Variants in DIXDC1 observed in about 807,000 individuals in gnomAD.
DIXDC1 encodes dixin.
A neutral mutation model predicts 103.1 loss-of-function variants in DIXDC1; 64 were observed. The ratio of observed to expected loss-of-function variants is 0.62; its 90% CI spans 0.51 to 0.76. The LOEUF is 0.76. DIXDC1 is among the 30% of genes least tolerant of loss of function. The probability of loss-of-function intolerance (pLI) is 0.00; values close to 1 mark genes in which losing one functional copy is unlikely to be tolerated. For synonymous variants in DIXDC1, 266 were observed against 298.5 expected (o/e 0.89, Z 1.12); for missense variants, 759 against 834.2 (o/e 0.91, Z 1.11).
At chr11:111,939,382 TTG>T (rs1279538990) in intron 1 of DIXDC1, among the ~76,000 whole-genome samples, 1 of 152,214 alleles carries the variant, frequency 6.6e-6, no homozygotes, top group Non-Finnish European at 1.5e-5. Flanking sequence ...AGTGGTCTTT[TTG>T]TGGTGGTAAT....
intron 1 of DIXDC1, among the ~76,000 whole-genome samples, chr11:111,952,640 G>A (rs1555170151): frequency 6.6e-6 from 1 of 152,054 alleles, no homozygotes; most frequent in Non-Finnish European, 1.5e-5. Context: ...GACCAACATG[G>A]TGAAACCCCA....
rs782005442 is a variant in DIXDC1 at position 111,974,923 on chromosome 11, G to A, written c.596G>A (p.Arg199Gln). 14 of 1,613,490 alleles carry A rather than the reference G, an allele frequency of 8.7e-6. No individual in the cohort carries two copies. The highest frequency in any genetic ancestry group is 2.2e-5 in the East Asian group (1 of 44,892). ...ATTGAGAATCCATACTGGAGTGTGC[G>A]GGCCCTAGTGCAGCAGTACGAAGGG... ...EEIENPYWSV[R>Q]ALVQQYEGQQ... is the part of the protein sequence containing the mutation. Residue 199 changes from arginine (R) to glutamine (Q), a missense_variant, in exon 5 of 20, where the codon CGG becomes CAG. Arg to Gln is a conservative substitution (Grantham distance 43). Coordinates refer to ENST00000440460, the MANE Select transcript of DIXDC1 (RefSeq NM_001037954.4).
chr11:112,015,307 C>A (rs1861552663), intron 17 of DIXDC1: 2 of 152,076 alleles, frequency 1.3e-5, no homozygotes, highest in Non-Finnish European at 2.9e-5. Flanking sequence ...TATTTTAAAC[C>A]CCCTCCCAGA....
chr11:111,980,755 A>T lies in DIXDC1; in HGVS notation c.675A>T (p.Pro225=), dbSNP rs782756299. The T allele has an allele frequency of 3.5e-5, 57 of 1,613,860 alleles. No homozygotes were observed. Among genetic ancestry groups the T allele is most frequent in the Non-Finnish European group, 4.7e-5 (56 of 1,179,876 alleles). Residue 225 remains proline (P), a synonymous_variant, in exon 6 of 20, where the codon CCA becomes CCT. Coordinates refer to ENST00000440460, the MANE Select transcript of DIXDC1 (RefSeq NM_001037954.4). ...SSCSSLTSPS[P]IHSAKSESII... Reference sequence around the variant, plus strand: ...ATCACAGCCTGACTTCACCCAGTCCAATCCACAGTGCAAAGAGCGAGTCCA... The same window carrying T: ...ATCACAGCCTGACTTCACCCAGTCCTATCCACAGTGCAAAGAGCGAGTCCA...
At chr11:111,985,363 A>G (rs1199796671) in intron 8 of DIXDC1, 42 bp downstream of exon 8, 4 of 1,505,484 alleles carry the variant, frequency 2.7e-6, no homozygotes, top group East Asian at 2.3e-5. Flanking sequence ...ATCTGTATGT[A>G]TTTTACTTGT....
chr11:111,948,827 A>G (rs1394653853), intron 1 of DIXDC1, among the ~76,000 whole-genome samples: 8 of 152,086 alleles, frequency 5.3e-5, no homozygotes, highest in Non-Finnish European at 1.2e-4. Flanking sequence ...GCACTTCCCC[A>G]CACTCCTGAT....
chr11:111,955,805 G>A (rs1245497385), intron 1 of DIXDC1, among the ~76,000 whole-genome samples: 1 of 119,902 alleles, frequency 8.3e-6, no homozygotes, highest in Non-Finnish European at 1.6e-5. Flanking sequence ...CTGCATTCCA[G>A]CCTAGGTGAC....
Position 111,977,909 on chromosome 11 carries a change from G to A in DIXDC1, c.657-2828G>A, listed in dbSNP as rs1860170969. 2.2e-6 allele frequency: 3 copies of A among 1,382,274 alleles called. No individual in the cohort carries two copies. Among genetic ancestry groups the A allele is most frequent in the Non-Finnish European group, 1.9e-6 (2 of 1,043,170 alleles). The allele number at this position is 1,382,274 out of a possible 1,614,324, so 85.6% of individuals were successfully genotyped here. On this transcript the variant is annotated intron_variant, in intron 5 of 19. Transcript: ENST00000440460. The surrounding 1 kb of genome is among the most constrained non-coding windows in gnomAD (Gnocchi z 6.1). ...GGGTGGTGGGAGCATTATGTTGGGA[G>A]GACCGGCTGCTGACCAGGGGTTATC...
Position 111,977,601 on chromosome 11 carries a change from C to A in DIXDC1, c.656+2618C>A. 6.6e-7 allele frequency: 1 copy of A among 1,516,242 alleles called. No individual in the cohort carries two copies. The allele number at this position is 1,516,242 out of a possible 1,614,324, so 93.9% of individuals were successfully genotyped here. On this transcript the variant is annotated intron_variant, in intron 5 of 19. Transcript: ENST00000440460. This position sits in a 1 kb window ranked among gnomAD's most constrained non-coding sequence, Gnocchi z 6.1. Reference sequence around the variant, plus strand: ...CGAGACGCCGCCGCCGCCGCCGTTCCCGCTTTCTCCCGCGAGCCGGGCCAG... The same window carrying A: ...CGAGACGCCGCCGCCGCCGCCGTTCACGCTTTCTCCCGCGAGCCGGGCCAG...
intron 8 of DIXDC1, among the ~76,000 whole-genome samples, chr11:111,986,048 T>C (rs1416496519): frequency 1.3e-5 from 2 of 152,206 alleles, no homozygotes; most frequent in Non-Finnish European, 2.9e-5. Context: ...CTAATTTCTT[T>C]ATCCAGTTTT....
chr11:111,994,835 C>T (rs1860835096), intron 14 of DIXDC1, among the ~76,000 whole-genome samples, 184 bp from the exon 15 acceptor site: 2 of 151,844 alleles, frequency 1.3e-5, no homozygotes, highest in Non-Finnish European at 2.9e-5. Context: ...GCTGGGCATA[C>T]AGCAGTGACC....
At chr11:111,946,690 G>C (rs1439263594) in intron 1 of DIXDC1, 32 of 322,456 alleles carry the variant, frequency 9.9e-5, no homozygotes, top group Non-Finnish European at 1.6e-4. Context: ...GTTTATTTTG[G>C]AGAACCTCTT....
At chr11:111,973,998 A>T (rs879962862) in intron 3 of DIXDC1, 25 bp from the exon 4 acceptor site, 2 of 1,611,188 alleles carry the variant, frequency 1.2e-6, no homozygotes, top group Non-Finnish European at 1.7e-6. Context: ...GGTCTGTTTT[A>T]TTCTTGGTCC....
At position 112,017,296 on chromosome 11, in the gene DIXDC1, A is replaced by C. The variant is rs1861622260; in HGVS notation, c.1863-481A>C. ...AAATATTTAAACTCTGCAACCAACT[A>C]TTGAGAGAGGTTATAGGATTTTTCT... On this transcript the variant is annotated intron_variant, in intron 18 of 19. Coordinates refer to ENST00000440460, the MANE Select transcript of DIXDC1 (RefSeq NM_001037954.4). The surrounding 1 kb of genome is among the most constrained non-coding windows in gnomAD (Gnocchi z 4.0). Among the ~76,000 whole-genome samples, 2 of 152,158 alleles carry C rather than the reference A, an allele frequency of 1.3e-5. No homozygotes were observed. The highest frequency in any genetic ancestry group is 4.8e-5 in the African/African-American group (2 of 41,440).
chr11:111,937,629 G>A, intron 1 of DIXDC1, 70 bp downstream of exon 1: 1 of 1,476,290 alleles, frequency 6.8e-7, no homozygotes, highest in Non-Finnish European at 9.2e-7. Flanking sequence ...TCCGGAAGGG[G>A]TCCTCCTCCT....
chr11:111,984,538 C>T (rs1482474744), intron 7 of DIXDC1, among the ~76,000 whole-genome samples: 1 of 152,002 alleles, frequency 6.6e-6, no homozygotes, highest in Non-Finnish European at 1.5e-5. Context: ...ACTCTGTCTC[C>T]AAATATTATA....
intron 4 of DIXDC1, 62 bp from the exon 5 acceptor site, chr11:111,974,814 T>C: frequency 6.3e-7 from 1 of 1,581,580 alleles, no homozygotes; most frequent in Non-Finnish European, 8.6e-7. Flanking sequence ...TCTCTGTACT[T>C]GTTGAGTTGA....
intron 3 of DIXDC1, among the ~76,000 whole-genome samples, chr11:111,970,834 A>G (rs587776327): frequency 9.2e-5 from 14 of 152,326 alleles, no homozygotes; most frequent in African/African-American, 3.4e-4. Flanking sequence ...ACCTACAACC[A>G]TGTGATCTTT....
Position 112,019,150 on chromosome 11 carries a change from C to T in DIXDC1, c.*114C>T, listed in dbSNP as rs1861683413. The T allele has an allele frequency of 1.2e-6, 1 of 840,078 alleles. No individual in the cohort carries two copies. The highest frequency in any genetic ancestry group is 2.6e-5 in the East Asian group (1 of 39,020). 52.0% of individuals were successfully genotyped at this position (840,078 alleles called of 1,614,324 possible). ...GAAGTTTCTAGTTTGTGTGCCAAAA[C>T]AGAAGCTTCTCCAAGCATGATGGCC... On this transcript the variant is annotated 3_prime_UTR_variant, in exon 20 of 20. Coordinates refer to ENST00000440460, the MANE Select transcript of DIXDC1 (RefSeq NM_001037954.4).
Sources: allele counts gnomAD v4.1 joint callset (sites outside exome capture counted in the v4.1 genomes callset), GRCh38; gene constraint gnomAD v4.1.1; non-coding constraint Gnocchi (gnomAD v3.1); transcripts MANE v1.5; gene names NCBI Gene and HGNC (gene_info 2026-07-23, HGNC 2026-07-21).